ARHGEF7: variants seen among roughly 807,000 people sequenced by gnomAD.
ARHGEF7 encodes PAK-interacting exchange factor beta.
Under a neutral mutation model 109.8 loss-of-function variants are expected in ARHGEF7, and 33 were observed. That is an observed-to-expected ratio of 0.30 (90% CI 0.23 to 0.40). ARHGEF7 has a LOEUF of 0.40. ARHGEF7 is among the 10% of genes least tolerant of loss of function. ARHGEF7 has a pLI of 1.00. For synonymous variants in ARHGEF7, 458 were observed against 424.6 expected (o/e 1.08, Z -0.97); for missense variants, 938 against 1,098.5 (o/e 0.85, Z 2.07).
At chr13:111,167,153 T>C (rs1448072355) in intron 2 of ARHGEF7, among the ~76,000 whole-genome samples, 2 of 152,182 alleles carry the variant, frequency 1.3e-5, no homozygotes, top group African/African-American at 2.4e-5. Flanking sequence ...TTAGGTCCTC[T>C]TTATCGTCAG....
At chr13:111,174,507 C>G (rs927981510) in intron 2 of ARHGEF7, among the ~76,000 whole-genome samples, 1 of 152,178 alleles carries the variant, frequency 6.6e-6, no homozygotes, top group African/African-American at 2.4e-5. Context: ...TCACCTTTCT[C>G]GCAGTCTTGC....
At chr13:111,133,820 A>C (rs2074948263) in intron 1 of ARHGEF7, among the ~76,000 whole-genome samples, 2 of 116,644 alleles carry the variant, frequency 1.7e-5, no homozygotes, top group Non-Finnish European at 1.7e-5. Context: ...TATATTTATT[A>C]TACTTTAAGT....
intron 1 of ARHGEF7, among the ~76,000 whole-genome samples, chr13:111,148,272 G>C (rs1566627973): frequency 6.6e-6 from 1 of 152,222 alleles, no homozygotes; most frequent in Non-Finnish European, 1.5e-5. Flanking sequence ...TTAAATCAGG[G>C]ACAAAGGCAT....
intron 5 of ARHGEF7, among the ~76,000 whole-genome samples, chr13:111,225,447 G>A (rs567708573): frequency 6.6e-6 from 1 of 151,724 alleles, no homozygotes; most frequent in Non-Finnish European, 1.5e-5. Flanking sequence ...TTCACAGTAT[G>A]CAGAGACTTC....
At chr13:111,269,766 G>A (rs950436427) in intron 9 of ARHGEF7, among the ~76,000 whole-genome samples, 1 of 152,172 alleles carries the variant, frequency 6.6e-6, no homozygotes, top group Admixed American at 6.5e-5. Context: ...CCTGCACCAC[G>A]AGAGTTCCCG....
rs146050973 is a variant in ARHGEF7, at chr13:111,161,220, G to A, written c.252+7229G>A. Among the ~76,000 whole-genome samples, 480 of 152,276 alleles carry A rather than the reference G, an allele frequency of 3.2e-3. 2 individuals are homozygous for A. Among genetic ancestry groups the A allele is most frequent in the African/African-American group, 0.011 (462 of 41,548 alleles). On this transcript the variant is annotated intron_variant, in intron 2 of 21. Coordinates refer to ENST00000646102, the MANE Select transcript of ARHGEF7 (RefSeq NM_001354046.2). ...CATGCTTGTGGCATGGGTGCTAAAT[G>A]GTTAGCTTGGCACACTCACAGCTAG... is the stretch of plus-strand genomic sequence containing the variant.
chr13:111,277,013 T>C (rs1179322962), intron 12 of ARHGEF7, among the ~76,000 whole-genome samples: 3 of 152,188 alleles, frequency 2.0e-5, no homozygotes, highest in Non-Finnish European at 4.4e-5. Flanking sequence ...AACCAGGTGA[T>C]GTTTATGGGG....
intron 2 of ARHGEF7, among the ~76,000 whole-genome samples, chr13:111,161,357 G>C (rs987054820): frequency 6.6e-6 from 1 of 152,144 alleles, no homozygotes; most frequent in African/African-American, 2.4e-5. Context: ...GGACGGTATA[G>C]GGGGAGGGAA....
intron 5 of ARHGEF7, among the ~76,000 whole-genome samples, chr13:111,232,763 T>C (rs4773338): frequency 0.87 from 132,663 of 152,076 alleles, 58,107 homozygotes; most frequent in South Asian, 0.93. Flanking sequence ...GAGCCAGATC[T>C]TGCTTGTTTA....
intron 18 of ARHGEF7, among the ~76,000 whole-genome samples, chr13:111,290,387 G>A (rs2093226446): frequency 6.6e-6 from 1 of 152,166 alleles, no homozygotes. Context: ...CATTGTATTA[G>A]GTACTATAAT....
At chr13:111,166,346 C>T (rs2077126086) in intron 2 of ARHGEF7, among the ~76,000 whole-genome samples, 1 of 152,152 alleles carries the variant, frequency 6.6e-6, no homozygotes, top group African/African-American at 2.4e-5. Context: ...CTGTCTTTTC[C>T]TCCAAGTGAT....
At chr13:111,153,584 G>C (rs999700605) in intron 1 of ARHGEF7, 2 of 1,096,454 alleles carry the variant, frequency 1.8e-6, no homozygotes, top group Non-Finnish European at 1.1e-6. Flanking sequence ...CCGCGGGGGC[G>C]AACACCCGAC....
intron 2 of ARHGEF7, among the ~76,000 whole-genome samples, chr13:111,195,617 G>A (rs4773333): frequency 0.4 from 61,131 of 152,092 alleles, 12,795 homozygotes; most frequent in Non-Finnish European, 0.46. Flanking sequence ...TCTGGGCACC[G>A]TCAGTCCTGT....
At chr13:111,265,681 AGATGATCACCAATTG>A in intron 8 of ARHGEF7, 1 of 456,556 alleles carries the variant, frequency 2.2e-6, no homozygotes. Flanking sequence ...CTGTTACTAC[AGATGATCACCAATTG>A]GATGGTATTA....
chr13:111,116,059 C>T (rs1157289611), intron 1 of ARHGEF7, among the ~76,000 whole-genome samples: 2 of 152,208 alleles, frequency 1.3e-5, no homozygotes, highest in Non-Finnish European at 2.9e-5. Flanking sequence ...AAACCGCGTT[C>T]CGACGCGGTG....
At chr13:111,174,182 A>C (rs916545495) in intron 2 of ARHGEF7, among the ~76,000 whole-genome samples, 5 of 152,350 alleles carry the variant, frequency 3.3e-5, no homozygotes, top group African/African-American at 4.8e-5. Context: ...TCTAGGTAAT[A>C]TTTTATAGAG....
chr13:111,223,758 A>G (rs2084792171), intron 5 of ARHGEF7, among the ~76,000 whole-genome samples: 2 of 152,174 alleles, frequency 1.3e-5, no homozygotes, highest in Non-Finnish European at 2.9e-5. Context: ...TTATTCCTGA[A>G]TATGTACAGT....
rs1206626400 is a variant in ARHGEF7 at position 111,285,677 on chromosome 13, AT to A, written c.1951-469del. Among the ~76,000 whole-genome samples the A allele has an allele frequency of 9.2e-5, 14 of 152,302 alleles. No homozygotes were observed. In the East Asian group the frequency reaches 2.7e-3, roughly 29 times the overall value. On this transcript the variant is annotated intron_variant, in intron 16 of 21. Coordinates refer to ENST00000646102, the MANE Select transcript of ARHGEF7 (RefSeq NM_001354046.2). Reference sequence around the variant, plus strand: ...CCTTTTCTTCTCCCTGAAACTTCAAATATTTTCTTAAAGCAATTATTTTTTA... The same window carrying A: ...CCTTTTCTTCTCCCTGAAACTTCAAAATTTTCTTAAAGCAATTATTTTTTA...
intron 8 of ARHGEF7, among the ~76,000 whole-genome samples, chr13:111,261,271 T>A (rs1038076797): frequency 2.0e-5 from 3 of 151,666 alleles, no homozygotes; most frequent in Non-Finnish European, 2.9e-5. Flanking sequence ...AATAAAGGAA[T>A]GGAAAAAGAT....
Sources: allele counts gnomAD v4.1 joint callset (sites outside exome capture counted in the v4.1 genomes callset), GRCh38; gene constraint gnomAD v4.1.1; transcripts MANE v1.5; gene names NCBI Gene and HGNC (gene_info 2026-07-23, HGNC 2026-07-21).